PCDHGA3: variants seen among roughly 807,000 people sequenced by gnomAD.
PCDHGA3 encodes protocadherin gamma subfamily A, 3.
A neutral mutation model predicts 58.5 loss-of-function variants in PCDHGA3; 40 were observed. That is an observed-to-expected ratio of 0.68 (90% CI 0.53 to 0.89). The LOEUF (loss-of-function observed/expected upper bound fraction) is 0.89. Ranked by LOEUF, PCDHGA3 falls within the 40% of genes least tolerant of loss-of-function variation. The pLI is 0.00. For missense variants in PCDHGA3, 1,223 were observed against 1,195.9 expected (o/e 1.02, Z -0.33); for synonymous variants, 530 against 525.7 (o/e 1.01, Z -0.11).
At chr5:141,447,023 G>GT (rs5871773) in intron 1 of PCDHGA3, among the ~76,000 whole-genome samples, 28,105 of 151,474 alleles carry the variant, frequency 0.19, 2,731 homozygotes, top group African/African-American at 0.24. Context: ...GTTTTGTTTT[G>GT]TTTTTTTTCT....
chr5:141,417,507 A>G (rs573832786), intron 1 of PCDHGA3: 1 of 234,942 alleles, frequency 4.3e-6, no homozygotes, highest in Non-Finnish European at 8.1e-6. Context: ...AAAGATTAAA[A>G]TATTTTGGCT....
In PCDHGA3 at chr5:141,477,157, CA is replaced by C. The variant is rs1240879989; in HGVS notation, c.2425-17648del. 2.5e-6 allele frequency: 4 copies of C among 1,614,064 alleles called. No homozygotes were observed. Among genetic ancestry groups the C allele is most frequent in the Non-Finnish European group, 3.4e-6 (4 of 1,180,046 alleles). ...TGGTGGAGGTTGTGGATGTGAATGACAACGCCCCGGAGATCACAGTCACCTC... is the reference window on the plus strand; with the variant it reads ...TGGTGGAGGTTGTGGATGTGAATGACACGCCCCGGAGATCACAGTCACCTC... On this transcript the variant is annotated intron_variant, in intron 1 of 3. Coordinates refer to ENST00000253812, the MANE Select transcript of PCDHGA3 (RefSeq NM_018916.4). This position sits in a 1 kb window ranked among gnomAD's most constrained non-coding sequence, Gnocchi z 4.9.
At position 141,431,140 on chromosome 5, in the gene PCDHGA3, C is replaced by T. The variant is rs145692116; in HGVS notation, c.2425-63667C>T. 2.4e-5 allele frequency: 38 copies of T among 1,614,208 alleles called. No individual in the cohort carries two copies. Among genetic ancestry groups the T allele is most frequent in the Admixed American group, 3.3e-5 (2 of 60,038 alleles). On this transcript the variant is annotated intron_variant, in intron 1 of 3. Coordinates refer to ENST00000253812, the MANE Select transcript of PCDHGA3 (RefSeq NM_018916.4). This position sits in a 1 kb window ranked among gnomAD's most constrained non-coding sequence, Gnocchi z 4.8. ...TAGAAGTAGAAGTAAGGGACATTAA[C>T]GACAATGCGCCTTACTTTCGTGAAA...
At chr5:141,430,680 C>T (rs990086941) in intron 1 of PCDHGA3, 1 of 1,343,242 alleles carries the variant, frequency 7.4e-7, no homozygotes, top group Non-Finnish European at 1.0e-6. Flanking sequence ...TCCCAACTGT[C>T]CCATTCTATG....
chr5:141,428,331 G>A, intron 1 of PCDHGA3: 2 of 625,576 alleles, frequency 3.2e-6, no homozygotes, highest in East Asian at 2.9e-5. Context: ...TGATTTCTAT[G>A]CTCTTCTTCC....
intron 1 of PCDHGA3, chr5:141,361,788 A>G (rs1860254): frequency 1.2e-4 from 192 of 1,612,992 alleles, no homozygotes; most frequent in African/African-American, 7.1e-4. Context: ...TGCGCGTGTT[A>G]GTGGGCGACC....
At chr5:141,383,396 C>G (rs749879106) in intron 1 of PCDHGA3, 3 of 1,614,028 alleles carry the variant, frequency 1.9e-6, no homozygotes, top group Non-Finnish European at 2.5e-6. Context: ...GGCACGAACT[C>G]CCTCCAGAGT....
chr5:141,475,384 A>T (rs2099362853), intron 1 of PCDHGA3, among the ~76,000 whole-genome samples: 1 of 152,370 alleles, frequency 6.6e-6, no homozygotes, highest in East Asian at 1.9e-4. Flanking sequence ...TTTAAATTTT[A>T]TAAGCCAGAG....
Position 141,489,784 on chromosome 5 carries a change from G to A in PCDHGA3, c.2425-5023G>A. 1 of 1,614,218 alleles carries A rather than the reference G, an allele frequency of 6.2e-7. No individual in the cohort carries two copies. Among genetic ancestry groups the A allele is most frequent in the Non-Finnish European group, 8.5e-7 (1 of 1,180,010 alleles). On this transcript the variant is annotated intron_variant, in intron 1 of 3. Transcript: ENST00000253812. This position sits in a 1 kb window ranked among gnomAD's most constrained non-coding sequence, Gnocchi z 4.5. ...CCCCAACAGCCACTTCTCTCTGAAT[G>A]TGAAGACCCTAAAAGATGGGAAGCC...
chr5:141,446,920 C>T (rs2098520337), intron 1 of PCDHGA3, among the ~76,000 whole-genome samples: 1 of 152,108 alleles, frequency 6.6e-6, no homozygotes, highest in African/African-American at 2.4e-5. Flanking sequence ...TATTTATCTT[C>T]CTGATCTCTT....
chr5:141,390,436 C>A, intron 1 of PCDHGA3: 1 of 949,978 alleles, frequency 1.1e-6, no homozygotes, highest in Non-Finnish European at 1.5e-6. Flanking sequence ...TCATATCATT[C>A]TACAAAGGAG....
At chr5:141,361,795 G>A (rs750920407) in intron 1 of PCDHGA3, 2 of 1,613,220 alleles carry the variant, frequency 1.2e-6, no homozygotes, top group East Asian at 2.2e-5. Context: ...GTTAGTGGGC[G>A]ACCTCAATGA....
chr5:141,373,190 A>G (rs746967409), intron 1 of PCDHGA3, among the ~76,000 whole-genome samples: 1 of 152,254 alleles, frequency 6.6e-6, no homozygotes, highest in Non-Finnish European at 1.5e-5. Flanking sequence ...ATGAAACATT[A>G]TGTATATCTT....
intron 3 of PCDHGA3, among the ~76,000 whole-genome samples, chr5:141,508,954 C>A (rs2154594435): frequency 6.6e-6 from 1 of 152,170 alleles, no homozygotes; most frequent in Admixed American, 6.5e-5. Context: ...AGAGAAATGT[C>A]AGCGGAATGA....
intron 1 of PCDHGA3, chr5:141,388,422 C>T (rs68033444): frequency 0.056 from 89,796 of 1,613,752 alleles, 3,047 homozygotes; most frequent in African/African-American, 0.15. Flanking sequence ...TCATTTCTCA[C>T]TGATAAATAA....
chr5:141,446,528 G>A (rs2098505974), intron 1 of PCDHGA3, among the ~76,000 whole-genome samples: 1 of 151,952 alleles, frequency 6.6e-6, no homozygotes, highest in South Asian at 2.1e-4. Flanking sequence ...CCAGGCTGGA[G>A]TGCAGTGGCC....
intron 1 of PCDHGA3, chr5:141,362,513 A>T: frequency 3.1e-6 from 5 of 1,613,982 alleles, no homozygotes; most frequent in Non-Finnish European, 4.2e-6. Context: ...AATACAAATC[A>T]TGGAGCCGCT....
At chr5:141,399,479 C>G (rs774561101) in intron 1 of PCDHGA3, 2 of 1,614,032 alleles carry the variant, frequency 1.2e-6, no homozygotes, top group East Asian at 4.5e-5. Context: ...TTCCACCAGG[C>G]GTCCTACTTA....
rs371995922 is a variant in PCDHGA3 at position 141,395,132 on chromosome 5, C to T, written c.2424+48675C>T. ...AGAGTCACCTGATCTTTCCCCAGCC[C>T]AACTACGCAGACATGCTCATCAGTC... On this transcript the variant is annotated intron_variant, in intron 1 of 3. Transcript: ENST00000253812. 8.7e-6 allele frequency: 14 copies of T among 1,614,068 alleles called. No homozygotes were observed. The African/African-American group carries it at 1.6e-4, about 18-fold the overall frequency.
Sources: gnomAD v4.1 joint callset for allele counts (sites outside exome capture counted in the v4.1 genomes callset) on GRCh38, gnomAD v4.1.1 for gene constraint, Gnocchi (gnomAD v3.1) non-coding constraint, MANE v1.5 for transcripts, NCBI Gene and HGNC (gene_info 2026-07-23, HGNC 2026-07-21) for gene names.